The following PLEKHA2 variants were observed in gnomAD, a reference collection of about 807,000 sequenced individuals.
PLEKHA2 encodes the protein pleckstrin homology domain-containing family A member 2.
Under a neutral mutation model 53.2 loss-of-function variants are expected in PLEKHA2, and 28 were observed. That is an observed-to-expected ratio of 0.53 (90% CI 0.39 to 0.72). The LOEUF (loss-of-function observed/expected upper bound fraction) is 0.72, where lower values mean the gene tolerates loss of function less well. Among genes scored for constraint, PLEKHA2 ranks in the 30% least tolerant of loss-of-function variants. The probability of loss-of-function intolerance (pLI) is 0.00; values close to 1 mark genes in which losing one functional copy is unlikely to be tolerated. For synonymous variants in PLEKHA2, 193 were observed against 196.4 expected, an observed-to-expected ratio of 0.98 and a Z score of 0.14; for missense variants, 426 against 537.9, an observed-to-expected ratio of 0.79 and a Z score of 2.06.
intron 1 of PLEKHA2, 126 bp from the exon 2 acceptor site, chr8:38,917,781 C>A: frequency 1.8e-6 from 2 of 1,084,548 alleles, no homozygotes; most frequent in Non-Finnish European, 2.6e-6. Flanking sequence ...TGGGATGGAA[C>A]ATTTGGTGCC....
chr8:38,917,787 G>T (rs1834086803), intron 1 of PLEKHA2, 120 bp from the exon 2 acceptor site: 5 of 1,135,046 alleles, frequency 4.4e-6, no homozygotes, highest in Non-Finnish European at 6.2e-6. Context: ...GGAACATTTG[G>T]TGCCCCCACG....
At chr8:38,913,381 A>G (rs1270475917) in intron 1 of PLEKHA2, among the ~76,000 whole-genome samples, 1 of 151,414 alleles carries the variant, frequency 6.6e-6, no homozygotes, top group Non-Finnish European at 1.5e-5. Flanking sequence ...AAAAAAAAAA[A>G]AAAAAGAAAA....
chr8:38,923,130 T>A (rs909253122), intron 2 of PLEKHA2, among the ~76,000 whole-genome samples: 2 of 152,194 alleles, frequency 1.3e-5, no homozygotes, highest in African/African-American at 4.8e-5. Flanking sequence ...CCAGTGCCAA[T>A]GCCCGGATGC....
chr8:38,943,790 T>A lies in PLEKHA2; in HGVS notation c.200T>A (p.Val67Glu). ...TCTTTTATTTCTTATTTGATTTAGG[T>A]GAGCATAGCTACCCCAAAACAGAAA... Reference protein sequence around the residue: ...GALQLTYISKVSIATPKQKPK... With the variant: ...GALQLTYISKESIATPKQKPK... Residue 67 changes from valine (V) to glutamate (E), a missense_variant and splice_region_variant, in exon 4 of 12, where the codon GTG becomes GAG. By Grantham distance (121) the Val-to-Glu change is moderately radical. Coordinates refer to ENST00000617275, the MANE Select transcript of PLEKHA2 (RefSeq NM_021623.2). 1.3e-6 allele frequency: 2 copies of A among 1,568,656 alleles called. No homozygotes were observed. Among genetic ancestry groups the A allele is most frequent in the South Asian group, 1.2e-5 (1 of 84,246 alleles).
chr8:38,914,321 G>A lies in PLEKHA2; in HGVS notation c.-23-3586G>A, dbSNP rs149786675. On this transcript the variant is annotated intron_variant, in intron 1 of 11. Coordinates refer to ENST00000617275, the MANE Select transcript of PLEKHA2 (RefSeq NM_021623.2). ...ATTTGTTCCTAGGGGCTGCCTCTCA[G>A]CACTGGCCCTTGTGGGGATGGGAGA... Among the ~76,000 whole-genome samples the A allele has an allele frequency of 1.7e-3, 253 of 152,356 alleles. 1 individual carries two copies. Among genetic ancestry groups the A allele is most frequent in the African/African-American group, 5.9e-3 (245 of 41,590 alleles).
At chr8:38,961,246 T>A (rs926934738) in intron 10 of PLEKHA2, among the ~76,000 whole-genome samples, 1 of 152,136 alleles carries the variant, frequency 6.6e-6, no homozygotes, top group African/African-American at 2.4e-5. Flanking sequence ...TAAGTAAAAA[T>A]TGTGTTTTAG....
intron 2 of PLEKHA2, among the ~76,000 whole-genome samples, chr8:38,918,683 A>C (rs935059481): frequency 8.9e-5 from 13 of 146,750 alleles, no homozygotes; most frequent in Non-Finnish European, 1.8e-4. Flanking sequence ...ACACACCCCC[A>C]CGCACACCAC....
chr8:38,951,985 A>AGCGATCCTCCTGCCTTGGCCTCCC (rs1483047317), intron 6 of PLEKHA2, among the ~76,000 whole-genome samples, 181 bp from the exon 7 acceptor site: 2 of 152,208 alleles, frequency 1.3e-5, no homozygotes, highest in Non-Finnish European at 2.9e-5. Flanking sequence ...CCTGGGCTCA[A>AGCGATCCTCCTGCCTTGGCCTCCC]GCGATCCTCC....
chr8:38,968,834 T>C, intron 11 of PLEKHA2, 165 bp downstream of exon 11: 1 of 622,536 alleles, frequency 1.6e-6, no homozygotes, highest in Non-Finnish European at 2.8e-6. Flanking sequence ...GGGTACACAT[T>C]TTTATTTTTC....
At chr8:38,926,737 C>T (rs1351599742) in intron 2 of PLEKHA2, among the ~76,000 whole-genome samples, 1 of 152,242 alleles carries the variant, frequency 6.6e-6, no homozygotes, top group Non-Finnish European at 1.5e-5. Context: ...CAAGACCAGC[C>T]TGGCCAACAT....
chr8:38,943,669 T>A (rs541061182), intron 3 of PLEKHA2, 120 bp from the exon 4 acceptor site: 8 of 738,726 alleles, frequency 1.1e-5, no homozygotes, highest in African/African-American at 1.1e-4. Flanking sequence ...TTAATTATTA[T>A]TTTTTAAAAA....
chr8:38,909,997 C>T (rs1302032300), intron 1 of PLEKHA2, among the ~76,000 whole-genome samples: 2 of 148,276 alleles, frequency 1.3e-5, no homozygotes, highest in Non-Finnish European at 3.0e-5. Context: ...CACTCTGTCA[C>T]CCAGGCTGGA....
At chr8:38,935,351 T>C (rs945170410) in intron 2 of PLEKHA2, among the ~76,000 whole-genome samples, 6 of 152,068 alleles carry the variant, frequency 3.9e-5, no homozygotes, top group Non-Finnish European at 8.8e-5. Flanking sequence ...TCTTATGAGG[T>C]AGGTGCTATT....
chr8:38,904,411 G>A (rs751688944), intron 1 of PLEKHA2, among the ~76,000 whole-genome samples: 12 of 152,192 alleles, frequency 7.9e-5, no homozygotes, highest in Non-Finnish European at 1.3e-4. Context: ...TGGGAAGCTG[G>A]GTCCTCTTGT....
chr8:38,960,372 G>A (rs1349396529), intron 10 of PLEKHA2, among the ~76,000 whole-genome samples: 2 of 152,142 alleles, frequency 1.3e-5, no homozygotes, highest in Middle Eastern at 3.2e-3. Flanking sequence ...CCAGCTACTT[G>A]GGAGGCTGAG....
intron 3 of PLEKHA2, among the ~76,000 whole-genome samples, chr8:38,941,420 T>G (rs1834610862): frequency 6.6e-6 from 1 of 152,252 alleles, no homozygotes. Context: ...TGACGTTTAC[T>G]TGACGTAACA....
intron 2 of PLEKHA2, among the ~76,000 whole-genome samples, chr8:38,920,742 T>C (rs1486698698): frequency 6.6e-6 from 1 of 151,978 alleles, no homozygotes; most frequent in Non-Finnish European, 1.5e-5. Context: ...TTTTATTTTT[T>C]GTAGAGATGG....
In PLEKHA2 at chr8:38,973,539, C is replaced by G. The variant is rs548696688; in HGVS notation, c.*3756C>G. 1.5e-4 allele frequency: 22 copies of G among 151,474 alleles called. No homozygotes were observed. The highest frequency in any genetic ancestry group is 5.1e-4 in the African/African-American group (21 of 41,198). 9.4% of individuals were successfully genotyped at this position (151,474 alleles called of 1,614,324 possible). ...CAAGTGAGCTTTGTTTATAAACTTT[C>G]AAAATGTCGGAAGTGGACAGGTTTG... On this transcript the variant is annotated 3_prime_UTR_variant, in exon 12 of 12. Transcript: ENST00000617275.
Position 38,943,946 on chromosome 8 carries a change from T to C in PLEKHA2, c.247+109T>C, listed in dbSNP as rs879201904. On this transcript the variant is annotated intron_variant, in intron 4 of 11. Coordinates refer to ENST00000617275, the MANE Select transcript of PLEKHA2 (RefSeq NM_021623.2). ...TGTGACTATACCCTGTGAGTATGAGTGACTTAAATCACAGTGACGGTCCTG... is the reference window on the plus strand; with the variant it reads ...TGTGACTATACCCTGTGAGTATGAGCGACTTAAATCACAGTGACGGTCCTG... The C allele has an allele frequency of 7.2e-6, 6 of 836,992 alleles. No homozygotes were observed. In the South Asian group the frequency reaches 1.4e-4, roughly 19 times the overall value. 51.8% of individuals were successfully genotyped at this position (836,992 alleles called of 1,614,324 possible).
Sources: gnomAD v4.1 joint callset for allele counts (sites outside exome capture counted in the v4.1 genomes callset) on GRCh38, gnomAD v4.1.1 for gene constraint, MANE v1.5 for transcripts, NCBI Gene and HGNC (gene_info 2026-07-23, HGNC 2026-07-21) for gene names.